The following NEDD1 variants were observed in gnomAD, a reference collection of about 807,000 sequenced individuals.
The protein encoded by NEDD1 is NEDD1 gamma-tubulin ring complex targeting factor.
NEDD1 carries 33 observed loss-of-function variants against 74.0 expected under a neutral mutation model. That is an observed-to-expected ratio of 0.45 (90% CI 0.34 to 0.60). The LOEUF (loss-of-function observed/expected upper bound fraction) is 0.60, where lower values mean the gene tolerates loss of function less well. NEDD1 is among the 20% of genes least tolerant of loss of function. The probability of loss-of-function intolerance (pLI) is 0.01; values close to 1 mark genes in which losing one functional copy is unlikely to be tolerated. For missense variants in NEDD1, 746 were observed against 776.5 expected (o/e 0.96, Z 0.47); for synonymous variants, 250 against 264.4 (o/e 0.95, Z 0.53).
At chr12:96,935,822 A>AAAAAAC (rs1274071216) in intron 7 of NEDD1, among the ~76,000 whole-genome samples, 1 of 150,992 alleles carries the variant, frequency 6.6e-6, no homozygotes, top group South Asian at 2.1e-4. Context: ...TTAGTTAGCT[A>AAAAAAC]AAAAACAAAA....
chr12:96,924,724 A>C (rs1341086052), intron 6 of NEDD1: 3 of 353,846 alleles, frequency 8.5e-6, no homozygotes, highest in African/African-American at 6.5e-5. Context: ...AATTTGTAGT[A>C]TTTACAGTTT....
At chr12:96,930,211 A>ACTCTCTCT (rs143562580) in intron 6 of NEDD1, among the ~76,000 whole-genome samples, 9 of 89,240 alleles carry the variant, frequency 1.0e-4, no homozygotes, top group South Asian at 4.1e-4. Flanking sequence ...ACACACACAC[A>ACTCTCTCT]CTCTCTCTCT....
intron 12 of NEDD1, 100 bp downstream of exon 12, chr12:96,943,862 A>G (rs1877922453): frequency 3.0e-6 from 2 of 673,954 alleles, no homozygotes; most frequent in South Asian, 3.8e-5. Flanking sequence ...ATTGCTATGC[A>G]CTTATTCATA....
In NEDD1 at chr12:96,916,918, A is replaced by G. The variant is rs1874528014; in HGVS notation, c.232-703A>G. 2.0e-5 allele frequency among the ~76,000 whole-genome samples: 3 copies of G among 152,286 alleles called. No individual in the cohort carries two copies. The South Asian group carries it at 6.2e-4, about 32-fold the overall frequency. On this transcript the variant is annotated intron_variant, in intron 4 of 15. Coordinates refer to ENST00000266742, the MANE Select transcript of NEDD1 (RefSeq NM_152905.4). The stretch of plus-strand genomic sequence containing the variant: ...GTTAGTGTTAGTAGTAGCTATAGAT[A>G]AAGGGGAGCCCATGTGGGATTCATT...
chr12:96,927,562 T>G (rs1302742893), intron 6 of NEDD1, among the ~76,000 whole-genome samples: 1 of 152,252 alleles, frequency 6.6e-6, no homozygotes, highest in East Asian at 1.9e-4. Context: ...ATTACAAATG[T>G]CAATCTATTG....
intron 9 of NEDD1, among the ~76,000 whole-genome samples, chr12:96,938,477 A>G (rs1247773767): frequency 1.3e-5 from 2 of 152,012 alleles, no homozygotes; most frequent in African/African-American, 4.8e-5. Flanking sequence ...ATTCACTGTA[A>G]ACTCTCTGAA....
chr12:96,910,698 G>A (rs538765743), intron 3 of NEDD1, among the ~76,000 whole-genome samples: 18 of 152,254 alleles, frequency 1.2e-4, no homozygotes, highest in Middle Eastern at 6.8e-3. Context: ...AACCCAAAAC[G>A]TTTCCAGAAT....
chr12:96,918,164 TTG>T (rs1309298537), intron 5 of NEDD1, among the ~76,000 whole-genome samples: 1 of 151,830 alleles, frequency 6.6e-6, no homozygotes, highest in Admixed American at 6.6e-5. Context: ...CTGCTCTTGT[TTG>T]TGTTTTTTTT....
chr12:96,917,882 C>A, intron 5 of NEDD1, 145 bp downstream of exon 5: 1 of 985,660 alleles, frequency 1.0e-6, no homozygotes, highest in Non-Finnish European at 1.4e-6. Context: ...AATAAAGGTG[C>A]TATTTAGCCA....
chr12:96,941,836 T>C (rs1296260644), intron 10 of NEDD1, among the ~76,000 whole-genome samples: 1 of 152,176 alleles, frequency 6.6e-6, no homozygotes. Flanking sequence ...TCCAAAGTAT[T>C]GATAAGGAAG....
intron 6 of NEDD1, among the ~76,000 whole-genome samples, chr12:96,922,126 G>T (rs1442863855): frequency 6.6e-6 from 1 of 152,166 alleles, no homozygotes; most frequent in East Asian, 1.9e-4. Flanking sequence ...TTGAATGTCA[G>T]AATCATAGAA....
At chr12:96,939,982 C>G (rs748185733) in intron 9 of NEDD1, among the ~76,000 whole-genome samples, 7 of 151,920 alleles carry the variant, frequency 4.6e-5, no homozygotes, top group African/African-American at 1.7e-4. Context: ...TGTTAGGCAT[C>G]GCTCTATATG....
At position 96,937,286 on chromosome 12, in the gene NEDD1, A is replaced by T. The variant is rs774211007; in HGVS notation, c.1010A>T (p.Asn337Ile). 8.1e-6 allele frequency: 13 copies of T among 1,612,536 alleles called. No individual in the cohort carries two copies. The South Asian group carries it at 1.3e-4, about 16-fold the overall frequency. Residue 337 changes from asparagine to isoleucine, a missense_variant, in exon 9 of 16, where the codon AAT becomes ATT. Transcript: ENST00000266742. ...AATGCTGCTAGTGGAGGAGTTCAGA[A>T]TTCCGGAATTGTCAGAGAAGCACCT... ...NVNAASGGVQ[N>I]SGIVREAPAT...
chr12:96,934,614 T>C (rs1876896921), intron 6 of NEDD1, among the ~76,000 whole-genome samples: 1 of 152,036 alleles, frequency 6.6e-6, no homozygotes, highest in Admixed American at 6.6e-5. Context: ...CTTGGCTCAC[T>C]GCAGCCTCCA....
At chr12:96,936,547 T>G in intron 7 of NEDD1, 64 bp from the exon 8 acceptor site, 1 of 1,129,436 alleles carries the variant, frequency 8.9e-7, no homozygotes, top group Non-Finnish European at 1.3e-6. Flanking sequence ...TATAGTTACT[T>G]ATATAAGCTA....
At chr12:96,916,379 A>G (rs866298846) in intron 4 of NEDD1, among the ~76,000 whole-genome samples, 65 of 138,688 alleles carry the variant, frequency 4.7e-4, no homozygotes, top group African/African-American at 1.6e-3. Context: ...AGCATTAGGT[A>G]TATCTCCCAA....
At chr12:96,931,607 A>G (rs1434741363) in intron 6 of NEDD1, among the ~76,000 whole-genome samples, 1 of 152,230 alleles carries the variant, frequency 6.6e-6, no homozygotes, top group Non-Finnish European at 1.5e-5. Flanking sequence ...CAGTTTTAAA[A>G]AAGGATAGTA....
chr12:96,918,980 G>C (rs1874769115), intron 5 of NEDD1, among the ~76,000 whole-genome samples: 1 of 152,144 alleles, frequency 6.6e-6, no homozygotes, highest in Non-Finnish European at 1.5e-5. Context: ...TGAAAAAGTT[G>C]TAATATAAGT....
chr12:96,907,514 C>A, intron 1 of NEDD1, 90 bp from the exon 2 acceptor site: 1 of 1,095,228 alleles, frequency 9.1e-7, no homozygotes, highest in Non-Finnish European at 1.4e-6. Flanking sequence ...CTCCCGGAGC[C>A]TTGTGGGGTG....
Sources: gnomAD v4.1 joint callset for allele counts (sites outside exome capture counted in the v4.1 genomes callset) on GRCh38, gnomAD v4.1.1 for gene constraint, MANE v1.5 for transcripts, NCBI Gene and HGNC (gene_info 2026-07-23, HGNC 2026-07-21) for gene names.